Variants in ESRRG observed in about 807,000 individuals in gnomAD.
ESRRG encodes the protein estrogen related receptor gamma, also known as estrogen-related receptor gamma.
A neutral mutation model predicts 44.0 loss-of-function variants in ESRRG; 13 were observed. The observed-to-expected ratio is 0.30, with a 90% CI of 0.19 to 0.47. ESRRG has a LOEUF of 0.47. ESRRG is among the 20% of genes least tolerant of loss of function. The pLI is 1.00. For synonymous variants in ESRRG, 215 were observed against 214.6 expected (o/e 1.00, Z -0.02); for missense variants, 395 against 580.6 (o/e 0.68, Z 3.29).
At chr1:217,022,728 T>C in intron 1 of ESRRG, among the ~76,000 whole-genome samples, 1 of 152,092 alleles carries the variant, frequency 6.6e-6, no homozygotes, top group East Asian at 1.9e-4. Context: ...TAGGAAGCAA[T>C]GTACACTTTG....
intron 1 of ESRRG, among the ~76,000 whole-genome samples, chr1:216,948,532 T>C (rs1344425832): frequency 6.6e-6 from 1 of 151,210 alleles, no homozygotes; most frequent in Non-Finnish European, 1.5e-5. Flanking sequence ...TTAGCTAATA[T>C]TAGGTAATAG....
At chr1:216,705,514 C>T (rs769583370) in intron 1 of ESRRG, among the ~76,000 whole-genome samples, 8 of 152,070 alleles carry the variant, frequency 5.3e-5, no homozygotes, top group Admixed American at 1.3e-4. Context: ...TTGAAAGTCC[C>T]AAAGATTCCC....
chr1:217,097,354 T>C (rs1421340667), intron 1 of ESRRG, among the ~76,000 whole-genome samples: 3 of 152,212 alleles, frequency 2.0e-5, no homozygotes. Context: ...TGTGTACAGT[T>C]CTTGTAGGGA....
At chr1:216,654,024 G>A (rs1234597247) in intron 2 of ESRRG, among the ~76,000 whole-genome samples, 2 of 151,302 alleles carry the variant, frequency 1.3e-5, no homozygotes, top group African/African-American at 4.9e-5. Flanking sequence ...TTGGAAGGTC[G>A]AGGTGGGAGA....
At chr1:216,811,674 C>A (rs151079648) in intron 2 of ESRRG, among the ~76,000 whole-genome samples, 185 of 152,060 alleles carry the variant, frequency 1.2e-3, no homozygotes, top group African/African-American at 4.3e-3. Flanking sequence ...CACTTACTAC[C>A]GGAGAACATC....
At chr1:216,909,091 T>C (rs1265469010) in intron 2 of ESRRG, among the ~76,000 whole-genome samples, 5 of 147,308 alleles carry the variant, frequency 3.4e-5, no homozygotes, top group Admixed American at 2.7e-4. Context: ...TGAGAAACAT[T>C]TGACTAGATC....
intron 1 of ESRRG, among the ~76,000 whole-genome samples, chr1:216,700,143 C>G (rs2081110869): frequency 6.6e-6 from 1 of 150,810 alleles, no homozygotes; most frequent in South Asian, 2.1e-4. Context: ...TTTAACCTCA[C>G]TAGCTTAGAT....
chr1:216,906,049 C>T (rs1167330013), intron 2 of ESRRG, among the ~76,000 whole-genome samples: 7 of 152,198 alleles, frequency 4.6e-5, no homozygotes, highest in Non-Finnish European at 1.0e-4. Context: ...CTGTGCTCAG[C>T]GCTGTTAAAG....
At chr1:216,969,327 C>T (rs1039772352) in intron 1 of ESRRG, among the ~76,000 whole-genome samples, 10 of 151,728 alleles carry the variant, frequency 6.6e-5, no homozygotes, top group South Asian at 2.1e-4. Context: ...AATGACTAAA[C>T]GAATGAATGA....
intron 1 of ESRRG, among the ~76,000 whole-genome samples, chr1:217,019,910 A>T (rs1237540744): frequency 2.0e-5 from 3 of 152,208 alleles, no homozygotes; most frequent in African/African-American, 7.2e-5. Flanking sequence ...CTAATTAGAA[A>T]GTATTTCTAA....
intron 2 of ESRRG, among the ~76,000 whole-genome samples, chr1:216,767,435 T>C (rs1196015539): frequency 1.3e-5 from 2 of 152,150 alleles, no homozygotes; most frequent in Admixed American, 1.3e-4. Context: ...ATGTTTATCA[T>C]GGGTTATGGT....
chr1:216,838,869 G>A (rs7532366), intron 2 of ESRRG, among the ~76,000 whole-genome samples: 5,114 of 152,254 alleles, frequency 0.034, 302 homozygotes, highest in African/African-American at 0.11. Flanking sequence ...TCAGTGAGTC[G>A]TAATCTTTTT....
At chr1:216,879,470 GA>G (rs2096407701) in intron 2 of ESRRG, among the ~76,000 whole-genome samples, 1 of 49,342 alleles carries the variant, frequency 2.0e-5, no homozygotes, top group African/African-American at 1.2e-4. Context: ...CTCTTGAGGG[GA>G]AAAAAAGGCC....
chr1:216,961,282 C>A (rs565123492), intron 1 of ESRRG, among the ~76,000 whole-genome samples: 2 of 152,250 alleles, frequency 1.3e-5, no homozygotes, highest in South Asian at 2.1e-4. Context: ...AAGCAAACCT[C>A]TACAACTTTA....
At chr1:216,616,725 TA>T (rs2061475178) in intron 3 of ESRRG, among the ~76,000 whole-genome samples, 1 of 152,142 alleles carries the variant, frequency 6.6e-6, no homozygotes, top group Non-Finnish European at 1.5e-5. Context: ...CTATTATCTC[TA>T]AAAGCACTTC....
At chr1:216,655,526 T>C (rs2151124570) in intron 2 of ESRRG, among the ~76,000 whole-genome samples, 1 of 152,276 alleles carries the variant, frequency 6.6e-6, no homozygotes, top group African/African-American at 2.4e-5. Context: ...ATACAACATA[T>C]GTATAAAAAT....
intron 3 of ESRRG, among the ~76,000 whole-genome samples, chr1:216,617,950 G>C (rs543708657): frequency 1.3e-5 from 2 of 152,240 alleles, no homozygotes; most frequent in South Asian, 4.1e-4. Context: ...CAGCAATATG[G>C]AAGGTTGATG....
At chr1:216,994,098 T>C (rs1321031876) in intron 1 of ESRRG, among the ~76,000 whole-genome samples, 3 of 152,224 alleles carry the variant, frequency 2.0e-5, no homozygotes, top group African/African-American at 7.2e-5. Context: ...AGCATATCTC[T>C]GAGCTTGCTA....
chr1:216,981,811 G>C (rs1158549050), intron 1 of ESRRG, among the ~76,000 whole-genome samples: 1 of 152,092 alleles, frequency 6.6e-6, no homozygotes, highest in Non-Finnish European at 1.5e-5. Context: ...AGAGAAAGGA[G>C]TGCTGCTGGT....
Sources: gnomAD v4.1 joint callset for allele counts (sites outside exome capture counted in the v4.1 genomes callset) on GRCh38, gnomAD v4.1.1 for gene constraint, MANE v1.5 for transcripts, NCBI Gene and HGNC (gene_info 2026-07-23, HGNC 2026-07-21) for gene names.